Variants in EPB41L1 observed in about 807,000 individuals in gnomAD.
The protein encoded by EPB41L1 is band 4.1-like protein 1.
In EPB41L1, 29 loss-of-function variants were observed where a neutral mutation model predicts 97.8. That is an observed-to-expected ratio of 0.30 (90% CI 0.22 to 0.40). The LOEUF is 0.40. EPB41L1 is among the 10% of genes least tolerant of loss of function. The pLI, the probability that EPB41L1 is intolerant of heterozygous loss-of-function variation, is 1.00. For missense variants in EPB41L1, 812 were observed against 1,162.3 expected, an observed-to-expected ratio of 0.70 and a Z score of 4.38; for synonymous variants, 383 against 459.2, an observed-to-expected ratio of 0.83 and a Z score of 2.12.
chr20:36,195,099 T>C lies in EPB41L1; in HGVS notation c.1450-230T>C, dbSNP rs2062131189. The stretch of plus-strand genomic sequence containing the variant: ...TCTGCCCAGTGTGGCTCTGCCCACT[T>C]GGCCTCTAGTTCCCTTCTCTGCCTT... On this transcript the variant is annotated intron_variant, in intron 12 of 21. Transcript: ENST00000338074. The surrounding 1 kb of genome is among the most constrained non-coding windows in gnomAD (Gnocchi z 4.6). Among the ~76,000 whole-genome samples the C allele has an allele frequency of 6.6e-6, 1 of 152,158 alleles. No homozygotes were observed. The highest frequency in any genetic ancestry group is 1.5e-5 in the Non-Finnish European group (1 of 68,016).
chr20:36,222,498 G>A, intron 21 of EPB41L1, 104 bp downstream of exon 21: 1 of 927,054 alleles, frequency 1.1e-6, no homozygotes, highest in Admixed American at 1.8e-5. Flanking sequence ...GACCCCTAGT[G>A]CAGCTTTGAC....
At chr20:36,104,971 G>T (rs2058142771) in intron 1 of EPB41L1, among the ~76,000 whole-genome samples, 1 of 152,206 alleles carries the variant, frequency 6.6e-6, no homozygotes, top group African/African-American at 2.4e-5. Flanking sequence ...TAAGCTGGGA[G>T]CAGTCTGTTG....
At position 36,103,007 on chromosome 20, in the gene EPB41L1, A is replaced by T. The variant is rs544808712; in HGVS notation, c.-64-9419A>T. On this transcript the variant is annotated intron_variant, in intron 1 of 19. Transcript: ENST00000202028. ...AAGAATGCCACCCCCTCCATTCCCC[A>T]ATCACTGTTGAAATCCTGTCTGCCT... Among the ~76,000 whole-genome samples the T allele has an allele frequency of 2.6e-5, 4 of 152,186 alleles. No homozygotes were observed. In the East Asian group the frequency reaches 7.7e-4, roughly 29 times the overall value.
intron 2 of EPB41L1, chr20:36,148,632 C>A (rs1355221746): frequency 6.6e-6 from 1 of 152,220 alleles, no homozygotes; most frequent in African/African-American, 2.4e-5. Flanking sequence ...AGAGCCAGAC[C>A]AGATCCTCTT....
Position 36,188,448 on chromosome 20 carries a change from C to T in EPB41L1, c.975C>T (p.Leu325=). 2 of 1,614,008 alleles carry T rather than the reference C, an allele frequency of 1.2e-6. No individual in the cohort carries two copies. The highest frequency in any genetic ancestry group is 1.7e-6 in the Non-Finnish European group (2 of 1,180,004). Residue 325 remains leucine (L), a synonymous_variant, in exon 9 of 22, where the codon CTC becomes CTT. Coordinates refer to ENST00000338074, the MANE Select transcript of EPB41L1 (RefSeq NM_012156.2). The part of the protein sequence containing the change: ...RINRFAWPKI[L]KISYKRSNFY... Reference sequence around the variant, plus strand: ...ACCGCTTTGCCTGGCCCAAGATCCTCAAGATCTCCTACAAGAGGAGTAACT... The same window carrying T: ...ACCGCTTTGCCTGGCCCAAGATCCTTAAGATCTCCTACAAGAGGAGTAACT...
intron 1 of EPB41L1, among the ~76,000 whole-genome samples, chr20:36,157,227 A>G (rs1231887720): frequency 2.0e-5 from 3 of 151,590 alleles, no homozygotes; most frequent in Non-Finnish European, 4.4e-5. Context: ...CCTCTCAAAG[A>G]AAAAAAAAGG....
In EPB41L1 at chr20:36,111,487, A is replaced by T. The variant is rs562309803; in HGVS notation, c.-64-939A>T. 2.6e-5 allele frequency among the ~76,000 whole-genome samples: 4 copies of T among 152,238 alleles called. No individual in the cohort carries two copies. In the South Asian group the frequency reaches 8.3e-4, roughly 32 times the overall value. On this transcript the variant is annotated intron_variant, in intron 1 of 19. Transcript: ENST00000202028. ...TACACCAGAACAGGATGTGAATGCTAAAAAGACCCCGAGGGAGGCCGGGCA... is the reference window on the plus strand; with the variant it reads ...TACACCAGAACAGGATGTGAATGCTTAAAAGACCCCGAGGGAGGCCGGGCA...
intron 2 of EPB41L1, among the ~76,000 whole-genome samples, chr20:36,115,422 A>T (rs2058553891): frequency 6.6e-6 from 1 of 152,218 alleles, no homozygotes; most frequent in Non-Finnish European, 1.5e-5. Context: ...TGCAGTGCAC[A>T]TGTCTACCTC....
chr20:36,221,998 C>T lies in EPB41L1; in HGVS notation c.2520+54C>T, dbSNP rs890571320. 31 of 1,576,516 alleles carry T rather than the reference C, an allele frequency of 2.0e-5. 1 individual carries two copies. The East Asian group carries it at 5.1e-4, about 26-fold the overall frequency. On this transcript the variant is annotated intron_variant, in intron 20 of 21. Coordinates refer to ENST00000338074, the MANE Select transcript of EPB41L1 (RefSeq NM_012156.2). ...TGCCACTGCCCAGTCCTCAATCCCT[C>T]CTATGTTGGGTTACCCATGGATGGC...
intron 9 of EPB41L1, 128 bp downstream of exon 9, chr20:36,188,627 CACACACACACACACAGAGAGAGAG>C: frequency 1.5e-6 from 1 of 677,506 alleles, no homozygotes; most frequent in Non-Finnish European, 2.3e-6. Flanking sequence ...CACACACACA[CACACACACACACACAGAGAGAGAG>C]AGAGAGAGAG....
In EPB41L1 at chr20:36,207,529, G is replaced by A. The variant is rs766032617; in HGVS notation, c.1669-1959G>A. ...TGAAGCAAGGTCCCTTCCAAATGAC[G>A]TATCTTCAGAGGCACCCGTGGGACA... On this transcript the variant is annotated intron_variant, in intron 14 of 21. Transcript: ENST00000338074. This position sits in a 1 kb window ranked among gnomAD's most constrained non-coding sequence, Gnocchi z 4.9. 90 of 1,289,768 alleles carry A rather than the reference G, an allele frequency of 7.0e-5. No individual in the cohort carries two copies. The Middle Eastern group carries it at 1.3e-3, about 18-fold the overall frequency. The allele number at this position is 1,289,768 out of a possible 1,614,324, so 79.9% of individuals were successfully genotyped here.
chr20:36,150,664 T>A (rs1373779944), upstream of EPB41L1: 1 of 152,204 alleles, frequency 6.6e-6, no homozygotes. Context: ...GGATTAATAA[T>A]TTCAGTGCCA....
At chr20:36,142,463 G>A (rs1241812335) in intron 2 of EPB41L1, among the ~76,000 whole-genome samples, 1 of 152,184 alleles carries the variant, frequency 6.6e-6, no homozygotes. Context: ...GCGTTAAACG[G>A]TATGCACACT....
chr20:36,143,300 G>T (rs1041720427), intron 2 of EPB41L1, among the ~76,000 whole-genome samples: 11 of 151,966 alleles, frequency 7.2e-5, no homozygotes, highest in African/African-American at 2.7e-4. Context: ...CATAGCTGGG[G>T]ACAGAGACAG....
intron 2 of EPB41L1, among the ~76,000 whole-genome samples, chr20:36,119,498 A>G (rs1027858480): frequency 2.0e-5 from 3 of 152,196 alleles, no homozygotes; most frequent in African/African-American, 7.2e-5. Context: ...GCTACTCAGG[A>G]GGCTGAAGCA....
intron 17 of EPB41L1, 132 bp from the exon 18 acceptor site, chr20:36,218,744 T>C: frequency 4.9e-6 from 4 of 813,050 alleles, no homozygotes; most frequent in South Asian, 4.3e-5. Context: ...AACTGAACGA[T>C]GCCTTCAGTC....
intron 7 of EPB41L1, 120 bp from the exon 8 acceptor site, chr20:36,187,556 G>A: frequency 1.2e-6 from 1 of 814,032 alleles, no homozygotes; most frequent in South Asian, 1.4e-5. Flanking sequence ...AAAAGATTAG[G>A]GTGAGGCTCA....
chr20:36,095,033 A>G (rs2057784562), intron 1 of EPB41L1, among the ~76,000 whole-genome samples: 1 of 151,366 alleles, frequency 6.6e-6, no homozygotes, highest in African/African-American at 2.4e-5. Context: ...GTGCAATGGC[A>G]TGATCTCGGC....
intron 6 of EPB41L1, among the ~76,000 whole-genome samples, chr20:36,182,789 C>T (rs1196148646): frequency 6.6e-6 from 1 of 152,176 alleles, no homozygotes. Flanking sequence ...GTGGGACATA[C>T]CAAACCCATG....
Sources: gnomAD v4.1 joint callset for allele counts (sites outside exome capture counted in the v4.1 genomes callset) on GRCh38, gnomAD v4.1.1 for gene constraint, Gnocchi (gnomAD v3.1) non-coding constraint, MANE v1.5 for transcripts, NCBI Gene and HGNC (gene_info 2026-07-23, HGNC 2026-07-21) for gene names.